The following RMDN1 variants were observed in gnomAD, a reference collection of about 807,000 sequenced individuals.
RMDN1 encodes regulator of microtubule dynamics 1, also known as regulator of microtubule dynamics protein 1.
RMDN1 carries 48 observed loss-of-function variants against 48.9 expected under a neutral mutation model. The observed-to-expected ratio is 0.98, with a 90% CI of 0.78 to 1.25. The LOEUF (loss-of-function observed/expected upper bound fraction) is 1.25. Among genes scored for constraint, RMDN1 ranks in the 50% most tolerant of loss-of-function variants. RMDN1 has a pLI of 0.00. For missense variants in RMDN1, 418 were observed against 373.4 expected, an observed-to-expected ratio of 1.12 and a Z score of -0.98; for synonymous variants, 148 against 132.6, an observed-to-expected ratio of 1.12 and a Z score of -0.80.
intron 2 of RMDN1, among the ~76,000 whole-genome samples, chr8:86,502,741 CA>C (rs1818473106): frequency 6.6e-6 from 1 of 152,106 alleles, no homozygotes; most frequent in Admixed American, 6.5e-5. Context: ...TTCATTTTGT[CA>C]CTATAAAGCA....
intron 8 of RMDN1, among the ~76,000 whole-genome samples, chr8:86,475,653 A>C (rs1049815231): frequency 3.3e-5 from 5 of 152,188 alleles, no homozygotes; most frequent in Non-Finnish European, 7.4e-5. Context: ...TTATCTCACC[A>C]ACTTAATTCT....
chr8:86,486,671 C>A (rs747619032), intron 3 of RMDN1, 28 bp from the exon 4 acceptor site: 3 of 1,563,940 alleles, frequency 1.9e-6, no homozygotes, highest in East Asian at 2.2e-5. Context: ...ATAAAACAAC[C>A]ATTTTAGCTC....
intron 4 of RMDN1, among the ~76,000 whole-genome samples, chr8:86,485,485 A>C (rs1157271414): frequency 6.6e-6 from 1 of 152,222 alleles, no homozygotes; most frequent in East Asian, 1.9e-4. Context: ...GAGAACTATA[A>C]TACAAGGTAG....
intron 2 of RMDN1, chr8:86,504,790 C>T: frequency 9.4e-7 from 1 of 1,059,144 alleles, no homozygotes; most frequent in Non-Finnish European, 1.5e-6. Flanking sequence ...ACTGCAATGG[C>T]CGGCTGCTCC....
downstream of RMDN1, among the ~76,000 whole-genome samples, chr8:86,472,189 C>T (rs1812661474): frequency 6.6e-6 from 1 of 152,154 alleles, no homozygotes; most frequent in Non-Finnish European, 1.5e-5. Context: ...TGTCTATACA[C>T]ACACAAACAC....
chr8:86,506,953 CA>C (rs749862413), intron 2 of RMDN1, 41 bp downstream of exon 2: 4 of 1,074,008 alleles, frequency 3.7e-6, no homozygotes, highest in South Asian at 2.7e-5. Context: ...TGTACGCACA[CA>C]AAAAAACTCT....
downstream of RMDN1, chr8:86,470,472 C>A (rs1812448544): frequency 8.3e-7 from 1 of 1,203,840 alleles, no homozygotes; most frequent in African/African-American, 1.6e-5. Flanking sequence ...GGCACCATGT[C>A]TTGCAGAAGA....
chr8:86,479,717 T>G (rs1465471042), intron 6 of RMDN1, among the ~76,000 whole-genome samples: 1 of 152,150 alleles, frequency 6.6e-6, no homozygotes, highest in African/African-American at 2.4e-5. Context: ...TTTACACTGG[T>G]ACCCTTCTTA....
intron 2 of RMDN1, chr8:86,503,658 C>T (rs2131271550): frequency 2.0e-6 from 1 of 492,132 alleles, no homozygotes. Flanking sequence ...GGCTACAACA[C>T]GGGAGTCATC....
chr8:86,497,574 ACCTGTAATCCCAGCTACT>A (rs1268912897), intron 2 of RMDN1, among the ~76,000 whole-genome samples: 5 of 151,690 alleles, frequency 3.3e-5, no homozygotes, highest in Non-Finnish European at 7.4e-5. Context: ...GGTGGCACAC[ACCTGTAATCCCAGCTACT>A]TGGGAGGCCA....
chr8:86,508,176 A>C, intron 1 of RMDN1: 1 of 314,842 alleles, frequency 3.2e-6, no homozygotes, highest in East Asian at 5.8e-5. Flanking sequence ...CATCGCCTAC[A>C]GGGAGAATAA....
At position 86,472,374 on chromosome 8, in the gene RMDN1, G is replaced by C. The variant is rs758480242; in HGVS notation, c.*1934C>G. ...TGCAGGTGCACAACACAGTTTATTC[G>C]GTCTCCCTAAAGGAAAAAACCCATT... On this transcript the variant is annotated 3_prime_UTR_variant, in exon 10 of 10. Transcript: ENST00000406452. 7 of 700,144 alleles carry C rather than the reference G, an allele frequency of 1.0e-5. No homozygotes were observed. The highest frequency in any genetic ancestry group is 2.0e-5 in the Admixed American group (1 of 49,396). 43.4% of individuals were successfully genotyped at this position (700,144 alleles called of 1,614,324 possible).
chr8:86,482,678 TG>T, intron 5 of RMDN1: 1 of 900,454 alleles, frequency 1.1e-6, no homozygotes, highest in Non-Finnish European at 1.9e-6. Context: ...AAAGACTTTA[TG>T]GAGTTCATGA....
Position 86,474,826 on chromosome 8 carries a change from ATCC to A in RMDN1, c.885_887del (p.Glu295del), listed in dbSNP as rs1239318639. The A allele has an allele frequency of 3.7e-6, 6 of 1,607,232 alleles. No homozygotes were observed. In the East Asian group the frequency reaches 1.1e-4, roughly 30 times the overall value. ...TTTATGGGAGATGTTTTACCTGTTT[ATCC>A]TCCTCTGTGTGTGCTGGATAGTCCT... On this transcript the variant is annotated inframe_deletion, in exon 9 of 10. Transcript: ENST00000406452.
At chr8:86,487,409 G>A (rs1388351721) in intron 3 of RMDN1, among the ~76,000 whole-genome samples, 1 of 152,088 alleles carries the variant, frequency 6.6e-6, no homozygotes, top group Non-Finnish European at 1.5e-5. Context: ...TTCAAAACCA[G>A]CCTGATCAAC....
chr8:86,504,474 G>A (rs1818939040), intron 2 of RMDN1: 5 of 1,552,674 alleles, frequency 3.2e-6, no homozygotes, highest in Non-Finnish European at 3.6e-6. Flanking sequence ...GAATCTTCAA[G>A]GATGCAGGTG....
At chr8:86,484,643 G>A (rs557747839) in intron 5 of RMDN1, 35 of 266,256 alleles carry the variant, frequency 1.3e-4, no homozygotes, top group South Asian at 2.0e-4. Context: ...GCTTGAACCC[G>A]GGAGGCGGAG....
Position 86,473,448 on chromosome 8 carries a change from G to A in RMDN1, c.*860C>T, listed in dbSNP as rs777876326. On this transcript the variant is annotated 3_prime_UTR_variant, in exon 10 of 10. Transcript: ENST00000406452. ...AACTTTGCATCTGATGACAAATTCA[G>A]TTTACCATGAGACTACACCACATTT... is the stretch of plus-strand genomic sequence containing the variant. The A allele has an allele frequency of 3.6e-5, 35 of 985,254 alleles. No individual in the cohort carries two copies. The highest frequency in any genetic ancestry group is 4.2e-5 in the Non-Finnish European group (35 of 829,932). 61.0% of individuals were successfully genotyped at this position (985,254 alleles called of 1,614,324 possible).
intron 2 of RMDN1, among the ~76,000 whole-genome samples, chr8:86,488,969 A>G (rs1815982678): frequency 2.0e-5 from 3 of 152,334 alleles, no homozygotes; most frequent in South Asian, 2.1e-4. Context: ...AACTCTCATA[A>G]TATTTTAAGA....
Sources: gnomAD v4.1 joint callset for allele counts (sites outside exome capture counted in the v4.1 genomes callset) on GRCh38, gnomAD v4.1.1 for gene constraint, MANE v1.5 for transcripts, NCBI Gene and HGNC (gene_info 2026-07-23, HGNC 2026-07-21) for gene names.